The following SLIT3 variants were observed in gnomAD, a reference collection of about 807,000 sequenced individuals.
SLIT3 encodes the protein slit homolog 3 protein.
In SLIT3, 68 loss-of-function variants were observed where a neutral mutation model predicts 184.0. That is an observed-to-expected ratio of 0.37 (90% confidence interval 0.30 to 0.45). The LOEUF (loss-of-function observed/expected upper bound fraction) is 0.45. SLIT3 is among the 20% of genes least tolerant of loss of function. The pLI, the probability that SLIT3 is intolerant of heterozygous loss-of-function variation, is 1.00. For missense variants in SLIT3, 1,707 were observed against 2,026.0 expected, an observed-to-expected ratio of 0.84 and a Z score of 3.02; for synonymous variants, 831 against 828.6, an observed-to-expected ratio of 1.00 and a Z score of -0.05.
At chr5:168,761,795 G>A (rs112212273) in intron 15 of SLIT3, among the ~76,000 whole-genome samples, 1,923 of 151,942 alleles carry the variant, frequency 0.013, 38 homozygotes, top group African/African-American at 0.042. Context: ...CTGGAGTGCA[G>A]TGGTATGATC....
chr5:168,770,656 GTT>G (rs35003831), intron 14 of SLIT3, among the ~76,000 whole-genome samples: 1 of 149,888 alleles, frequency 6.7e-6, no homozygotes, highest in African/African-American at 2.4e-5. Flanking sequence ...GCTTAGCATT[GTT>G]TTTTTTTTTA....
intron 8 of SLIT3, among the ~76,000 whole-genome samples, chr5:168,815,373 G>T (rs1339311449): frequency 6.6e-6 from 1 of 152,128 alleles, no homozygotes; most frequent in Non-Finnish European, 1.5e-5. Flanking sequence ...GGTGTGTGAG[G>T]TCATACACTA....
chr5:169,099,355 T>G (rs1201494645), intron 4 of SLIT3, among the ~76,000 whole-genome samples: 1 of 152,128 alleles, frequency 6.6e-6, no homozygotes, highest in East Asian at 1.9e-4. Context: ...CTTGTGTGAC[T>G]TGTTCATCAT....
Position 169,186,584 on chromosome 5 carries a change from C to G in SLIT3, c.413+6895G>C, listed in dbSNP as rs576697482. Reference sequence around the variant, plus strand: ...CCCAGGGTCACCAGAAGGTGGAATTCAAACCCAGGTCTGTCTGGTTCCCAA... The same window carrying G: ...CCCAGGGTCACCAGAAGGTGGAATTGAAACCCAGGTCTGTCTGGTTCCCAA... On this transcript the variant is annotated intron_variant, in intron 4 of 35. Transcript: ENST00000519560. Among the ~76,000 whole-genome samples the G allele has an allele frequency of 2.0e-5, 3 of 152,280 alleles. 1 individual carries two copies. The highest frequency in any genetic ancestry group is 7.2e-5 in the African/African-American group (3 of 41,560).
At chr5:169,120,800 C>T (rs139391171) in intron 4 of SLIT3, among the ~76,000 whole-genome samples, 74 of 152,280 alleles carry the variant, frequency 4.9e-4, no homozygotes, top group African/African-American at 1.7e-3. Flanking sequence ...TCTTGGTTTA[C>T]TTGATGGGCC....
intron 4 of SLIT3, among the ~76,000 whole-genome samples, chr5:168,897,646 G>GCACACACA: frequency 0.063 from 6,684 of 105,318 alleles, 268 homozygotes; most frequent in East Asian, 0.15. Context: ...ACAGGTGCAC[G>GCACACACA]TACACACACA....
chr5:169,244,863 CTCAGCCCTTCCCATGATCG>C, intron 2 of SLIT3, 87 bp from the exon 3 acceptor site: 1 of 1,111,696 alleles, frequency 9.0e-7, no homozygotes, highest in Non-Finnish European at 1.4e-6. Flanking sequence ...GGCATGGTCA[CTCAGCCCTTCCCATGATCG>C]TCAGTGTCCC....
At chr5:168,835,601 G>C (rs925262470) in intron 6 of SLIT3, among the ~76,000 whole-genome samples, 9 of 151,976 alleles carry the variant, frequency 5.9e-5, no homozygotes, top group Non-Finnish European at 1.0e-4. Context: ...TTGAGGTCAG[G>C]AGTTCGAGAC....
At chr5:168,695,580 G>C (rs796383316) in intron 28 of SLIT3, among the ~76,000 whole-genome samples, 4 of 152,304 alleles carry the variant, frequency 2.6e-5, no homozygotes, top group African/African-American at 9.6e-5. Context: ...AGCGGGCTGT[G>C]TTTGCACCAA....
Position 168,844,630 on chromosome 5 carries a change from A to C in SLIT3, c.511T>G (p.Cys171Gly). Residue 171 changes from cysteine to glycine, a missense_variant, in exon 6 of 36, where the codon TGC becomes GGC. Coordinates refer to ENST00000519560, the MANE Select transcript of SLIT3 (RefSeq NM_003062.4). ...GCTCGGAAGGCTCCATCTTCAATGC[A>C]GCTGATGTGGTTGTTGTCCAGTTGC... ...NLQLDNNHIS[C>G]IEDGAFRALR... 6.2e-7 allele frequency: 1 copy of C among 1,614,216 alleles called. No homozygotes were observed. Among genetic ancestry groups the C allele is most frequent in the Non-Finnish European group, 8.5e-7 (1 of 1,180,044 alleles).
At chr5:168,765,266 A>C (rs1026390856) in intron 14 of SLIT3, among the ~76,000 whole-genome samples, 9 of 152,206 alleles carry the variant, frequency 5.9e-5, no homozygotes, top group African/African-American at 2.2e-4. Context: ...TCAGTAGTAT[A>C]GTTAGATTAT....
chr5:168,717,489 T>C (rs1291375350), intron 23 of SLIT3, among the ~76,000 whole-genome samples: 2 of 152,164 alleles, frequency 1.3e-5, no homozygotes, highest in Admixed American at 1.3e-4. Context: ...GCTTATTTAC[T>C]TATTTCCCCT....
At chr5:169,163,311 GA>G (rs966576686) in intron 4 of SLIT3, among the ~76,000 whole-genome samples, 20 of 151,456 alleles carry the variant, frequency 1.3e-4, no homozygotes, top group African/African-American at 4.6e-4. Flanking sequence ...ACCGTGCGAG[GA>G]AAAAAAAGGA....
chr5:168,927,977 T>C (rs1434363258), intron 4 of SLIT3, among the ~76,000 whole-genome samples: 1 of 152,214 alleles, frequency 6.6e-6, no homozygotes, highest in Non-Finnish European at 1.5e-5. Context: ...TTTGTCCCTT[T>C]TTGAGCTGCC....
intron 1 of SLIT3, among the ~76,000 whole-genome samples, chr5:169,294,818 A>G (rs1767453495): frequency 6.6e-6 from 1 of 152,200 alleles, no homozygotes; most frequent in South Asian, 2.1e-4. Flanking sequence ...ATTGCTCCTA[A>G]GCTCCAAACC....
intron 14 of SLIT3, among the ~76,000 whole-genome samples, chr5:168,769,553 A>G (rs546890442): frequency 6.6e-6 from 1 of 152,244 alleles, no homozygotes; most frequent in South Asian, 2.1e-4. Flanking sequence ...AAGGTCTCTC[A>G]TCACACGCAC....
At chr5:169,239,145 G>T (rs1765305253) in intron 3 of SLIT3, among the ~76,000 whole-genome samples, 1 of 152,130 alleles carries the variant, frequency 6.6e-6, no homozygotes, top group Non-Finnish European at 1.5e-5. Context: ...TATTTGAGAG[G>T]TGAAATTTCC....
chr5:169,011,319 A>C (rs1329201608), intron 4 of SLIT3, among the ~76,000 whole-genome samples: 4 of 152,202 alleles, frequency 2.6e-5, no homozygotes, highest in Non-Finnish European at 5.9e-5. Flanking sequence ...AACTATGAAA[A>C]GATTTAATTT....
At chr5:168,726,946 G>A (rs1469073877) in intron 20 of SLIT3, among the ~76,000 whole-genome samples, 1 of 151,942 alleles carries the variant, frequency 6.6e-6, no homozygotes, top group East Asian at 1.9e-4. Context: ...AGGAGGCAGA[G>A]GTTGCAGTGA....
Sources: allele counts gnomAD v4.1 joint callset (sites outside exome capture counted in the v4.1 genomes callset), GRCh38; gene constraint gnomAD v4.1.1; transcripts MANE v1.5; gene names NCBI Gene and HGNC (gene_info 2026-07-23, HGNC 2026-07-21).